The following NBEA variants were observed in gnomAD, a reference collection of about 807,000 sequenced individuals.
NBEA encodes neurobeachin.
A neutral mutation model predicts 343.4 loss-of-function variants in NBEA; 44 were observed. The observed-to-expected ratio is 0.13, with a 90% CI of 0.10 to 0.16. The LOEUF (loss-of-function observed/expected upper bound fraction) is 0.16. Among genes scored for constraint, NBEA ranks in the 10% least tolerant of loss-of-function variants. The pLI is 1.00. For missense variants in NBEA, 2,555 were observed against 3,631.3 expected, an observed-to-expected ratio of 0.70 and a Z score of 7.62; for synonymous variants, 1,175 against 1,238.7, an observed-to-expected ratio of 0.95 and a Z score of 1.08.
chr13:35,652,984 G>C (rs918513877), intron 53 of NBEA, among the ~76,000 whole-genome samples: 5 of 151,774 alleles, frequency 3.3e-5, no homozygotes, highest in Admixed American at 1.3e-4. Flanking sequence ...GTGAGCCACC[G>C]CGCCCGGCCA....
intron 1 of NBEA, among the ~76,000 whole-genome samples, chr13:35,027,458 AG>A (rs1249926556): frequency 2.0e-5 from 3 of 151,838 alleles, no homozygotes; most frequent in South Asian, 4.1e-4. Context: ...ATATATATGC[AG>A]GGATAACTCT....
intron 38 of NBEA, among the ~76,000 whole-genome samples, chr13:35,354,579 A>G (rs181324125): frequency 2.6e-4 from 40 of 152,076 alleles, no homozygotes; most frequent in Middle Eastern, 3.4e-3. Flanking sequence ...TTCCTTGCAC[A>G]TTAGTTTCTA....
At chr13:35,665,359 T>A (rs2085302217) in intron 56 of NBEA, among the ~76,000 whole-genome samples, 173 bp downstream of exon 56, 1 of 152,230 alleles carries the variant, frequency 6.6e-6, no homozygotes, top group African/African-American at 2.4e-5. Flanking sequence ...ATATAAAATA[T>A]GTATAAAATT....
chr13:35,152,845 A>C (rs569789222), intron 18 of NBEA, among the ~76,000 whole-genome samples: 1 of 152,026 alleles, frequency 6.6e-6, no homozygotes, highest in Admixed American at 6.6e-5. Context: ...GTCCATATCC[A>C]GCTCTGAACC....
At chr13:35,548,512 A>C (rs556628920) in intron 41 of NBEA, among the ~76,000 whole-genome samples, 1 of 152,280 alleles carries the variant, frequency 6.6e-6, no homozygotes, top group Non-Finnish European at 1.5e-5. Flanking sequence ...ACATAATGCT[A>C]TGGGTATAAG....
At chr13:35,651,742 A>G (rs1345725591) in intron 52 of NBEA, 63 bp from the exon 53 acceptor site, 1 of 980,794 alleles carries the variant, frequency 1.0e-6, no homozygotes, top group South Asian at 1.4e-5. Context: ...AACACTACCC[A>G]TTAGGAAATC....
intron 1 of NBEA, among the ~76,000 whole-genome samples, chr13:35,003,274 C>T (rs2061206189): frequency 6.6e-6 from 1 of 152,064 alleles, no homozygotes; most frequent in Non-Finnish European, 1.5e-5. Context: ...CCAGCTACTT[C>T]AGGGGGGCTG....
chr13:35,610,840 T>A (rs1413426096), intron 48 of NBEA, among the ~76,000 whole-genome samples: 1 of 151,636 alleles, frequency 6.6e-6, no homozygotes, highest in East Asian at 1.9e-4. Flanking sequence ...CACTCAAAAA[T>A]CAATAAAAAT....
At chr13:35,246,688 G>A (rs920056277) in intron 34 of NBEA, among the ~76,000 whole-genome samples, 16 of 152,280 alleles carry the variant, frequency 1.1e-4, no homozygotes, top group African/African-American at 3.9e-4. Flanking sequence ...AATGAAGGTG[G>A]CAGGGGAGTG....
At chr13:35,033,986 A>G (rs1204106938) in intron 1 of NBEA, among the ~76,000 whole-genome samples, 1 of 151,638 alleles carries the variant, frequency 6.6e-6, no homozygotes, top group East Asian at 1.9e-4. Context: ...CCATTTGGAT[A>G]CCTTTTTCTA....
chr13:35,356,519 C>A (rs373143393), intron 38 of NBEA, among the ~76,000 whole-genome samples: 1 of 152,108 alleles, frequency 6.6e-6, no homozygotes, highest in East Asian at 1.9e-4. Context: ...GCCATATTTT[C>A]CATTGCTAAT....
chr13:35,179,582 C>A, intron 28 of NBEA: 1 of 155,392 alleles, frequency 6.4e-6, no homozygotes, highest in Non-Finnish European at 1.4e-5. Context: ...TCTTTTCATG[C>A]CATATATAAA....
chr13:35,333,031 C>G (rs1220197286), intron 36 of NBEA, among the ~76,000 whole-genome samples: 1 of 152,082 alleles, frequency 6.6e-6, no homozygotes, highest in Non-Finnish European at 1.5e-5. Context: ...AACTATCAGA[C>G]TAAGCCAAGA....
chr13:35,516,798 C>G (rs2077501295), intron 41 of NBEA, among the ~76,000 whole-genome samples: 1 of 152,134 alleles, frequency 6.6e-6, no homozygotes, highest in Admixed American at 6.5e-5. Context: ...AGACACTGTT[C>G]TAGGCACTTT....
chr13:35,571,291 G>T (rs1294602880), intron 45 of NBEA, among the ~76,000 whole-genome samples: 1 of 152,070 alleles, frequency 6.6e-6, no homozygotes, highest in Non-Finnish European at 1.5e-5. Flanking sequence ...TGTTGTATCA[G>T]TTGGGAAACT....
chr13:35,138,202 T>C (rs1305178738), intron 17 of NBEA, among the ~76,000 whole-genome samples: 1 of 152,150 alleles, frequency 6.6e-6, no homozygotes, highest in East Asian at 1.9e-4. Flanking sequence ...ATTATTATAA[T>C]ACATAGGGTT....
At chr13:35,062,456 T>A (rs191251625) in intron 8 of NBEA, among the ~76,000 whole-genome samples, 1 of 151,866 alleles carries the variant, frequency 6.6e-6, no homozygotes, top group East Asian at 1.9e-4. Flanking sequence ...ACTTCTCAGA[T>A]TTGGTAAAAG....
intron 51 of NBEA, among the ~76,000 whole-genome samples, chr13:35,649,089 A>G (rs2084387123): frequency 6.6e-6 from 1 of 152,222 alleles, no homozygotes; most frequent in Non-Finnish European, 1.5e-5. Flanking sequence ...TAGAAGGGAG[A>G]AACAAGGCTT....
intron 45 of NBEA, among the ~76,000 whole-genome samples, chr13:35,572,253 C>T (rs926094685): frequency 6.6e-6 from 1 of 152,132 alleles, no homozygotes; most frequent in African/African-American, 2.4e-5. Flanking sequence ...CTCATATGAA[C>T]TCGACTCTTA....
Sources: gnomAD v4.1 joint callset for allele counts (sites outside exome capture counted in the v4.1 genomes callset) on GRCh38, gnomAD v4.1.1 for gene constraint, MANE v1.5 for transcripts, NCBI Gene and HGNC (gene_info 2026-07-23, HGNC 2026-07-21) for gene names.